Variants in BEND3 observed in about 807,000 individuals in gnomAD.
The protein encoded by BEND3 is BEN domain containing 3, also known as BEN domain-containing protein 3.
In BEND3, 13 loss-of-function variants were observed where a neutral mutation model predicts 60.1. The observed-to-expected ratio is 0.22, with a 90% confidence interval of 0.14 to 0.34. The LOEUF (loss-of-function observed/expected upper bound fraction) is 0.34. BEND3 is among the 10% of genes least tolerant of loss of function. The pLI, the probability that BEND3 is intolerant of heterozygous loss-of-function variation, is 1.00. For missense variants in BEND3, 896 were observed against 1,138.1 expected, an observed-to-expected ratio of 0.79 and a Z score of 3.06; for synonymous variants, 497 against 491.5, an observed-to-expected ratio of 1.01 and a Z score of -0.15.
chr6:107,090,577 TGTGTGTGCACGC>T (rs1775454172), intron 3 of BEND3, among the ~76,000 whole-genome samples: 1 of 152,326 alleles, frequency 6.6e-6, no homozygotes, highest in African/African-American at 2.4e-5. Context: ...TATATGCTTG[TGTGTGTGCACGC>T]GCGTGTGCAC....
At position 107,091,109 on chromosome 6, in the gene BEND3, C is replaced by T. The variant is rs540053690; in HGVS notation, c.240+7442G>A. ...TGGGCAACAGAGTGATACTCCATCT[C>T]GAAAAAAAAAAAAGAAAGAAAATGA... On this transcript the variant is annotated intron_variant, in intron 3 of 3. Coordinates refer to ENST00000369042, the MANE Select transcript of BEND3 (RefSeq NM_001367314.1). Among the ~76,000 whole-genome samples, 92 of 142,628 alleles carry T rather than the reference C, an allele frequency of 6.5e-4. 1 individual carries two copies. The Middle Eastern group carries it at 0.011, about 17-fold the overall frequency. 93.6% of individuals were successfully genotyped at this position (142,628 alleles called of 152,430 possible).
At position 107,070,862 on chromosome 6, in the gene BEND3, T is replaced by C. The variant is rs140475369; in HGVS notation, c.329A>G (p.Asn110Ser). ...EQAGRGRSLG[N>S]VWPGEEEPCN... Reference sequence around the variant, plus strand: ...GGGCTCCTCCTCTCCAGGCCACACATTGCCCAGGCTCCTGCCCCTGCCGGC... The same window carrying C: ...GGGCTCCTCCTCTCCAGGCCACACACTGCCCAGGCTCCTGCCCCTGCCGGC... Residue 110 changes from asparagine (N) to serine (S), a missense_variant, in exon 4 of 4, where the codon AAT (asparagine) becomes AGT (serine). By Grantham distance (46) the Asn-to-Ser change is conservative. Transcript: ENST00000369042. The surrounding 1 kb of genome is among the most constrained non-coding windows in gnomAD (Gnocchi z 6.9). 8.4e-5 allele frequency: 135 copies of C among 1,613,802 alleles called. No individual in the cohort carries two copies. Among genetic ancestry groups the C allele is most frequent in the Middle Eastern group, 8.2e-4 (5 of 6,082 alleles).
rs782397162 is a variant in BEND3 at position 107,069,543 on chromosome 6, C to T, written c.1648G>A (p.Gly550Ser). ...TCCTTGCTGAGCAGGCAGTCGGCAC[C>T]GGGCACCTCGAAGTCAGGCTGGGGG... ...EIPQPDFEVP[G>S]ADCLLSKEQL... The change falls in exon 4 of 4, where the codon GGT becomes AGT. Residue 550 changes from glycine (G) to serine (S), a missense_variant. By Grantham distance (56) the Gly-to-Ser change is moderately conservative. This residue lies in a region of BEND3 where 846 missense variants were observed against 1,036.7 expected (regional missense o/e 0.82). Coordinates refer to ENST00000369042, the MANE Select transcript of BEND3 (RefSeq NM_001367314.1). The T allele has an allele frequency of 7.4e-6, 12 of 1,613,146 alleles. No individual in the cohort carries two copies. The highest frequency in any genetic ancestry group is 1.0e-5 in the Non-Finnish European group (12 of 1,180,016).
intron 3 of BEND3, among the ~76,000 whole-genome samples, chr6:107,087,979 A>AC (rs1554234549): frequency 4.7e-4 from 71 of 150,588 alleles, no homozygotes; most frequent in African/African-American, 1.5e-3. Context: ...TAAAAAAAAA[A>AC]AAAACACTGT....
intron 3 of BEND3, among the ~76,000 whole-genome samples, chr6:107,089,137 CAA>C (rs35806140): frequency 0.061 from 8,510 of 139,502 alleles, 308 homozygotes; most frequent in Middle Eastern, 0.098. Flanking sequence ...GACTCCGTCT[CAA>C]AAAAAAAAAA....
Position 107,068,517 on chromosome 6 carries a change from C to T in BEND3, c.*187G>A. 1 of 675,688 alleles carries T rather than the reference C, an allele frequency of 1.5e-6. No homozygotes were observed. The highest frequency in any genetic ancestry group is 2.8e-5 in the East Asian group (1 of 35,724). The allele number at this position is 675,688 out of a possible 1,614,324, so 41.9% of individuals were successfully genotyped here. A position where few individuals can be genotyped will look rare whatever the true frequency, so the allele number is the denominator to read the frequency against. On this transcript the variant is annotated 3_prime_UTR_variant, in exon 4 of 4. Coordinates refer to ENST00000369042, the MANE Select transcript of BEND3 (RefSeq NM_001367314.1). This position sits in a 1 kb window ranked among gnomAD's most constrained non-coding sequence, Gnocchi z 5.8. ...GACAGAAGTTGTAAGTACAAGAGAC[C>T]AAACTCAAGGCTTCTTTCTTGCGGT...
chr6:107,114,950 G>C (rs1770232568), intron 1 of BEND3, 140 bp downstream of exon 1: 1 of 145,974 alleles, frequency 6.9e-6, no homozygotes, highest in African/African-American at 2.5e-5. Flanking sequence ...GGCGCGCTCG[G>C]AGCAGCCCCC....
At chr6:107,098,979 T>C (rs1168186502) in intron 2 of BEND3, among the ~76,000 whole-genome samples, 1 of 152,136 alleles carries the variant, frequency 6.6e-6, no homozygotes, top group Non-Finnish European at 1.5e-5. Flanking sequence ...TTCAAATTGG[T>C]TTAAACATCT....
chr6:107,070,601 T>C lies in BEND3; in HGVS notation c.590A>G (p.Gln197Arg). 6.2e-7 allele frequency: 1 copy of C among 1,612,542 alleles called. No individual in the cohort carries two copies. Among genetic ancestry groups the C allele is most frequent in the South Asian group, 1.1e-5 (1 of 91,004 alleles). The change falls in exon 4 of 4, where the codon CAG becomes CGG. Residue 197 changes from glutamine to arginine, a missense_variant. Around this residue, in one of 4 missense-constraint regions of BEND3, gnomAD observed 846 missense variants for 1,036.7 expected, o/e 0.82. Coordinates refer to ENST00000369042, the MANE Select transcript of BEND3 (RefSeq NM_001367314.1). This position sits in a 1 kb window ranked among gnomAD's most constrained non-coding sequence, Gnocchi z 6.9. ...DNDPNIYFLI[Q>R]KMFYMLNTLT... is the part of the protein sequence containing the mutation. ...GGTGTTCAGCATGTAGAACATCTTC[T>C]GGATCAGGAAGTAGATGTTGGGGTC...
At chr6:107,071,848 C>T (rs183304761) in intron 3 of BEND3, among the ~76,000 whole-genome samples, 88 of 152,230 alleles carry the variant, frequency 5.8e-4, no homozygotes, top group Admixed American at 9.8e-4. Flanking sequence ...TGCAGATAGT[C>T]ATTGCCTAGG....
At chr6:107,097,790 CAAAAA>C (rs10674719) in intron 3 of BEND3, among the ~76,000 whole-genome samples, 8 of 53,356 alleles carry the variant, frequency 1.5e-4, no homozygotes, top group African/African-American at 3.2e-4. Context: ...AACTCCGTCT[CAAAAA>C]AAAAAAAAAA....
chr6:107,101,925 G>A (rs1382962774), intron 1 of BEND3, among the ~76,000 whole-genome samples: 1 of 152,178 alleles, frequency 6.6e-6, no homozygotes, highest in African/African-American at 2.4e-5. Context: ...GAACAGATGG[G>A]GCAAAACGAT....
At chr6:107,098,512 T>C (rs955369281) in intron 3 of BEND3, 39 bp downstream of exon 3, 4 of 1,596,852 alleles carry the variant, frequency 2.5e-6, no homozygotes, top group Admixed American at 1.7e-5. Context: ...CAGAGAGGGT[T>C]AGAGCCCAAG....
rs1163144304 is a variant in BEND3 at position 107,070,179 on chromosome 6, G to C, written c.1012C>G (p.Arg338Gly). Residue 338 changes from arginine to glycine, a missense_variant, in exon 4 of 4, where the codon CGC (arginine) becomes GGC (glycine). Arg to Gly is a moderately radical substitution (Grantham distance 125, BLOSUM62 -2). Around this residue, in one of 4 missense-constraint regions of BEND3, gnomAD observed 846 missense variants for 1,036.7 expected, o/e 0.82. Transcript: ENST00000369042. The surrounding 1 kb of genome is among the most constrained non-coding windows in gnomAD (Gnocchi z 6.9). Reference sequence around the variant, plus strand: ...TCCATTTCCCGCTGGGCCCAGAAGCGGCTGAAGAAGTCGTTCAGCTGGGGC... The same window carrying C: ...TCCATTTCCCGCTGGGCCCAGAAGCCGCTGAAGAAGTCGTTCAGCTGGGGC... ...CLPQLNDFFSRFWAQREMEDS... is the reference protein window; with the variant it reads ...CLPQLNDFFSGFWAQREMEDS... 2 of 1,612,754 alleles carry C rather than the reference G, an allele frequency of 1.2e-6. No individual in the cohort carries two copies. The highest frequency in any genetic ancestry group is 1.7e-5 in the Admixed American group (1 of 60,006).
chr6:107,076,382 C>T (rs946108916), intron 3 of BEND3, among the ~76,000 whole-genome samples: 2 of 152,126 alleles, frequency 1.3e-5, no homozygotes, highest in East Asian at 1.9e-4. Flanking sequence ...GCGTCTAGCC[C>T]GGATCTTGAT....
intron 3 of BEND3, among the ~76,000 whole-genome samples, chr6:107,087,197 T>C: frequency 6.6e-6 from 1 of 151,682 alleles, no homozygotes; most frequent in East Asian, 1.9e-4. Flanking sequence ...CGAACGCCTG[T>C]AATCCTAACT....
At chr6:107,095,655 A>G (rs981653640) in intron 3 of BEND3, among the ~76,000 whole-genome samples, 47 of 152,222 alleles carry the variant, frequency 3.1e-4, no homozygotes, top group African/African-American at 1.1e-3. Flanking sequence ...GTCCTTTAGT[A>G]GGTAAATGAA....
At chr6:107,104,913 C>T (rs887211852) in intron 1 of BEND3, among the ~76,000 whole-genome samples, 2 of 152,098 alleles carry the variant, frequency 1.3e-5, no homozygotes, top group African/African-American at 2.4e-5. Context: ...AATCCACCCA[C>T]CTCGACCTCC....
chr6:107,076,622 G>A (rs1484798591), intron 3 of BEND3, among the ~76,000 whole-genome samples: 1 of 152,112 alleles, frequency 6.6e-6, no homozygotes, highest in Non-Finnish European at 1.5e-5. Context: ...CCAAATCCAA[G>A]AGTGGTCACT....
Sources: allele counts gnomAD v4.1 joint callset (sites outside exome capture counted in the v4.1 genomes callset), GRCh38; gene constraint gnomAD v4.1.1; regional missense constraint gnomAD v4.1.1; non-coding constraint Gnocchi (gnomAD v3.1); transcripts MANE v1.5; gene names NCBI Gene and HGNC (gene_info 2026-07-23, HGNC 2026-07-21).